The following KCTD16 variants were observed in gnomAD, a reference collection of about 807,000 sequenced individuals.
The protein encoded by KCTD16 is BTB/POZ domain-containing protein KCTD16.
Under a neutral mutation model 33.2 loss-of-function variants are expected in KCTD16, and 13 were observed. That is an observed-to-expected ratio of 0.39 (90% CI 0.25 to 0.62). KCTD16 has a LOEUF of 0.62. KCTD16 is among the 20% of genes least tolerant of loss of function. The pLI is 0.50. For missense variants in KCTD16, 441 were observed against 525.1 expected (o/e 0.84, Z 1.57); for synonymous variants, 197 against 195.3 (o/e 1.01, Z -0.07).
Position 144,473,792 on chromosome 5 carries a change from G to A in KCTD16, c.965G>A (p.Ser322Asn). 1 of 1,614,088 alleles carries A rather than the reference G, an allele frequency of 6.2e-7. No individual in the cohort carries two copies. Among genetic ancestry groups the A allele is most frequent in the Non-Finnish European group, 8.5e-7 (1 of 1,179,998 alleles). The part of the protein sequence containing the change: ...TSSCDSQSEA[S>N]SPQETVICGP... ...AGCTGCGACAGCCAGTCTGAGGCCA[G>A]CTCTCCCCAGGAGACGGTCATCTGT... Residue 322 changes from serine (S) to asparagine (N), a missense_variant, in exon 4 of 4, where the codon AGC (serine) becomes AAC (asparagine). Physicochemically the swap from Ser to Asn is conservative, Grantham distance 46. This residue lies in a region of KCTD16 where 355 missense variants were observed against 413.0 expected (regional missense o/e 0.86). Transcript: ENST00000512467.
intron 3 of KCTD16, among the ~76,000 whole-genome samples, chr5:144,280,706 C>T (rs1580841866): frequency 6.6e-6 from 1 of 152,166 alleles, no homozygotes. Context: ...GGGCGGATCA[C>T]GAGGTCAGGA....
chr5:144,417,785 T>C (rs1753102107), intron 3 of KCTD16, among the ~76,000 whole-genome samples: 1 of 152,176 alleles, frequency 6.6e-6, no homozygotes, highest in African/African-American at 2.4e-5. Context: ...TGTTGTAAAG[T>C]AGGGCTCCAA....
intron 3 of KCTD16, among the ~76,000 whole-genome samples, chr5:144,400,785 T>A (rs775444541): frequency 6.6e-6 from 1 of 152,108 alleles, no homozygotes; most frequent in Non-Finnish European, 1.5e-5. Context: ...TGATAAGAAC[T>A]GGTTGGCAAA....
chr5:144,368,606 C>A (rs962262521), intron 3 of KCTD16, among the ~76,000 whole-genome samples: 10 of 152,146 alleles, frequency 6.6e-5, no homozygotes, highest in South Asian at 2.1e-4. Flanking sequence ...CCAGACAACA[C>A]CTTCATTTTG....
At chr5:144,373,240 C>T (rs779676142) in intron 3 of KCTD16, among the ~76,000 whole-genome samples, 1 of 152,140 alleles carries the variant, frequency 6.6e-6, no homozygotes, top group East Asian at 1.9e-4. Flanking sequence ...CTTGATCTTG[C>T]CCTACTTTCT....
intron 3 of KCTD16, among the ~76,000 whole-genome samples, chr5:144,242,414 A>G (rs975719875): frequency 1.3e-5 from 2 of 152,184 alleles, no homozygotes; most frequent in Non-Finnish European, 2.9e-5. Flanking sequence ...TTCCCTATGT[A>G]TAACACCTTT....
At chr5:144,342,429 T>C (rs2126899880) in intron 3 of KCTD16, among the ~76,000 whole-genome samples, 1 of 152,336 alleles carries the variant, frequency 6.6e-6, no homozygotes, top group South Asian at 2.1e-4. Context: ...TGATTTTGTA[T>C]CCTGAGACTT....
chr5:144,443,827 C>T (rs1295263850), intron 3 of KCTD16, among the ~76,000 whole-genome samples: 1 of 151,882 alleles, frequency 6.6e-6, no homozygotes, highest in African/African-American at 2.4e-5. Flanking sequence ...TTTATTTTTA[C>T]ACAGTAAGTG....
chr5:144,272,281 T>C (rs1755320114), intron 3 of KCTD16, among the ~76,000 whole-genome samples: 1 of 151,788 alleles, frequency 6.6e-6, no homozygotes, highest in Non-Finnish European at 1.5e-5. Flanking sequence ...TACAAAAAAA[T>C]TAGCCAGATG....
intron 3 of KCTD16, among the ~76,000 whole-genome samples, chr5:144,232,556 C>A (rs1450097465): frequency 1.3e-5 from 2 of 152,162 alleles, no homozygotes; most frequent in Admixed American, 1.3e-4. Flanking sequence ...GCCAGAAGGC[C>A]AAGCTATCAA....
intron 3 of KCTD16, among the ~76,000 whole-genome samples, chr5:144,273,176 C>G (rs1255104592): frequency 6.6e-6 from 1 of 151,996 alleles, no homozygotes; most frequent in Non-Finnish European, 1.5e-5. Context: ...GACTAATTCT[C>G]TAAAGAGGAT....
intron 3 of KCTD16, among the ~76,000 whole-genome samples, chr5:144,305,827 AAAATAAAAAAT>A (rs965275739): frequency 1.3e-5 from 2 of 151,972 alleles, no homozygotes; most frequent in African/African-American, 4.8e-5. Context: ...AATAAAAATA[AAAATAAAAAAT>A]AAATAAAAAA....
At chr5:144,386,717 A>G (rs1329141895) in intron 3 of KCTD16, among the ~76,000 whole-genome samples, 1 of 152,246 alleles carries the variant, frequency 6.6e-6, no homozygotes, top group Non-Finnish European at 1.5e-5. Context: ...AGAAAAAAAG[A>G]ATGAAAATTG....
intron 3 of KCTD16, among the ~76,000 whole-genome samples, chr5:144,285,886 A>G (rs1755730466): frequency 6.6e-6 from 1 of 151,778 alleles, no homozygotes; most frequent in Non-Finnish European, 1.5e-5. Context: ...CAATTCTAAG[A>G]TGCACAGAAT....
chr5:144,458,448 C>A (rs139351090), intron 3 of KCTD16, among the ~76,000 whole-genome samples: 3 of 152,188 alleles, frequency 2.0e-5, no homozygotes, highest in Non-Finnish European at 2.9e-5. Context: ...TGGAGACTTT[C>A]TCTGTTCCAA....
Position 144,474,137 on chromosome 5 carries a change from G to GAAAAAAAAAAAAAAAA in KCTD16, c.*33_*34insAAAAAAAAAAAAAAAA. The GAAAAAAAAAAAAAAAA allele has an allele frequency of 7.3e-7, 1 of 1,360,692 alleles. No homozygotes were observed. 84.3% of individuals were successfully genotyped at this position (1,360,692 alleles called of 1,614,324 possible). A position where few individuals can be genotyped will look rare whatever the true frequency, so the allele number is the denominator to read the frequency against. On this transcript the variant is annotated 3_prime_UTR_variant, in exon 4 of 4. Transcript: ENST00000512467. ...TAAGGGAGGGCTGGGGGCGGGAAAAGAAAAAAAAAAGTCATTTTGAAATTA... is the reference window on the plus strand; with the variant it reads ...TAAGGGAGGGCTGGGGGCGGGAAAAGAAAAAAAAAAAAAAAAAAAAAAAAAAGTCATTTTGAAATTA...
At chr5:144,424,909 C>T (rs914651365) in intron 3 of KCTD16, among the ~76,000 whole-genome samples, 1 of 152,094 alleles carries the variant, frequency 6.6e-6, no homozygotes, top group Non-Finnish European at 1.5e-5. Context: ...ACATTTAAAC[C>T]ATAGCATTCC....
intron 3 of KCTD16, among the ~76,000 whole-genome samples, chr5:144,391,905 T>C (rs1229991065): frequency 6.6e-6 from 1 of 152,198 alleles, no homozygotes; most frequent in Non-Finnish European, 1.5e-5. Context: ...ATCTGTGTGG[T>C]TGTTGAGTGC....
chr5:144,402,938 G>A (rs1351104041), intron 3 of KCTD16, among the ~76,000 whole-genome samples: 1 of 152,202 alleles, frequency 6.6e-6, no homozygotes, highest in Non-Finnish European at 1.5e-5. Context: ...AGTGTCAACA[G>A]GGCTGATTTT....
Sources: allele counts gnomAD v4.1 joint callset (sites outside exome capture counted in the v4.1 genomes callset), GRCh38; gene constraint gnomAD v4.1.1; regional missense constraint gnomAD v4.1.1; transcripts MANE v1.5; gene names NCBI Gene and HGNC (gene_info 2026-07-23, HGNC 2026-07-21).